The following RARG variants were observed in gnomAD, a reference collection of about 807,000 sequenced individuals.
RARG encodes retinoic acid receptor gamma.
RARG carries 17 observed loss-of-function variants against 43.7 expected under a neutral mutation model. The observed-to-expected ratio is 0.39, with a 90% CI of 0.27 to 0.58. The LOEUF is 0.58. RARG is among the 20% of genes least tolerant of loss of function. The pLI, the probability that RARG is intolerant of heterozygous loss-of-function variation, is 0.57. For missense variants in RARG, 346 were observed against 598.7 expected (o/e 0.58, Z 4.40); for synonymous variants, 238 against 236.4 (o/e 1.01, Z -0.06).
chr12:53,220,969 T>C (rs1367743349), intron 3 of RARG, among the ~76,000 whole-genome samples: 1 of 151,314 alleles, frequency 6.6e-6, no homozygotes. Flanking sequence ...GAAAAGTGCA[T>C]TCCTGCGGCT....
intron 3 of RARG, among the ~76,000 whole-genome samples, chr12:53,226,522 A>C (rs556208270): frequency 1.3e-5 from 2 of 151,620 alleles, no homozygotes; most frequent in East Asian, 3.9e-4. Flanking sequence ...ACGGGGTTTC[A>C]CTATGTTGGT....
rs369873803 is a variant in RARG, at chr12:53,227,517, G to A, written c.29C>T (p.Ala10Val). The part of the protein sequence containing the change: MATNKERLF[A>V]AGALGPGSGY... Reference sequence around the variant, plus strand: ...AGATCCAGGCCCCAGGGCACCAGCCGCAAAGAGTCGCTCCTTATTGGTGGC... The same window carrying A: ...AGATCCAGGCCCCAGGGCACCAGCCACAAAGAGTCGCTCCTTATTGGTGGC... Residue 10 changes from alanine (A) to valine (V), a missense_variant, in exon 3 of 10, where the codon GCG becomes GTG. Ala to Val is a moderately conservative substitution (Grantham distance 64, BLOSUM62 0). Around this residue, in one of 8 missense-constraint regions of RARG, gnomAD observed 90 missense variants for 93.2 expected, o/e 0.97. Transcript: ENST00000425354. The surrounding 1 kb of genome is among the most constrained non-coding windows in gnomAD (Gnocchi z 4.3). The A allele has an allele frequency of 1.6e-5, 25 of 1,597,328 alleles. No individual in the cohort carries two copies. Among genetic ancestry groups the A allele is most frequent in the Admixed American group, 1.0e-4 (6 of 57,222 alleles).
In RARG at chr12:53,232,084, G is replaced by A. The variant is rs1013011038; in HGVS notation, c.-320C>T. ...GGCTCGCCGTACTGGGGGGCTCCTG[G>A]GGGGGCACGGCTCTAGGCTGGGACT... On this transcript the variant is annotated 5_prime_UTR_variant, in exon 1 of 10. Transcript: ENST00000425354. The A allele has an allele frequency of 5.0e-6, 2 of 398,504 alleles. No individual in the cohort carries two copies. Among genetic ancestry groups the A allele is most frequent in the African/African-American group, 2.1e-5 (1 of 48,640 alleles). The allele number at this position is 398,504 out of a possible 1,614,324, so 24.7% of individuals were successfully genotyped here. A position where few individuals can be genotyped will look rare whatever the true frequency, so the allele number is the denominator to read the frequency against.
Position 53,213,583 on chromosome 12 carries a change from C to CA in RARG, c.930dup (p.Val311CysfsTer15). 6.2e-7 allele frequency: 1 copy of CA among 1,614,182 alleles called. No individual in the cohort carries two copies. Among genetic ancestry groups the CA allele is most frequent in the Non-Finnish European group, 8.5e-7 (1 of 1,180,024 alleles). On this transcript the variant is annotated frameshift_variant, in exon 8 of 10. Transcript: ENST00000425354. LOFTEE classifies it high-confidence loss of function. This position sits in a 1 kb window ranked among gnomAD's most constrained non-coding sequence, Gnocchi z 4.7. ...AGGAGCTGCCCAGCAAAGGCAAAGA[C>CA]AAGGTCTGTGAGGGGCCCGAAGCCG...
intron 5 of RARG, chr12:53,214,895 G>A (rs1942717220): frequency 2.3e-6 from 1 of 434,672 alleles, no homozygotes. Context: ...GGATATGCAG[G>A]CGGCAGGATA....
At chr12:53,214,649 C>T (rs757120914) in intron 5 of RARG, 43 bp from the exon 6 acceptor site, 1 of 1,557,488 alleles carries the variant, frequency 6.4e-7, no homozygotes, top group Admixed American at 1.8e-5. Context: ...ACCCTCAGAG[C>T]CTCCCTTTGG....
At chr12:53,216,821 A>AGTGTGTGT (rs35354918) in intron 3 of RARG, among the ~76,000 whole-genome samples, 164 of 144,220 alleles carry the variant, frequency 1.1e-3, no homozygotes, top group African/African-American at 4.0e-3. Flanking sequence ...CTGCTGGGTA[A>AGTGTGTGT]GTGTGTGTGT....
intron 3 of RARG, among the ~76,000 whole-genome samples, chr12:53,218,112 G>A (rs899475257): frequency 3.3e-5 from 5 of 152,046 alleles, no homozygotes; most frequent in African/African-American, 1.2e-4. Flanking sequence ...GCCAGCACTT[G>A]GCCACACAAG....
intron 3 of RARG, among the ~76,000 whole-genome samples, chr12:53,221,699 C>T (rs1942967740): frequency 6.6e-6 from 1 of 151,402 alleles, no homozygotes; most frequent in South Asian, 2.1e-4. Flanking sequence ...TGGCCCCGGA[C>T]AGCGCCAGCA....
At chr12:53,224,118 C>T (rs998980822) in intron 3 of RARG, among the ~76,000 whole-genome samples, 2 of 152,126 alleles carry the variant, frequency 1.3e-5, no homozygotes, top group Admixed American at 6.5e-5. Flanking sequence ...CACACACGCA[C>T]GCACACACAC....
At chr12:53,223,432 T>C (rs1943027850) in intron 3 of RARG, among the ~76,000 whole-genome samples, 1 of 118,812 alleles carries the variant, frequency 8.4e-6, no homozygotes, top group South Asian at 2.7e-4. Context: ...GTGAGGCGCG[T>C]TGGGCAGGAT....
intron 6 of RARG, 79 bp from the exon 7 acceptor site, chr12:53,214,314 C>T: frequency 1.3e-6 from 2 of 1,541,760 alleles, no homozygotes; most frequent in Middle Eastern, 4.4e-4. Context: ...ACCAATATCC[C>T]AAGCTCTCTC....
chr12:53,215,369 G>A lies in RARG; in HGVS notation c.399C>T (p.Ile133=), dbSNP rs1942731230. ...VYTCHRDKNC[I]INKVTRNRCQ... ...AGCGATTCCTGGTCACCTTGTTGAT[G>A]ATACAGTTTTTGTCGCGGTGACACG... Residue 133 remains isoleucine, a synonymous_variant, in exon 5 of 10, where the codon ATC becomes ATT. Coordinates refer to ENST00000425354, the MANE Select transcript of RARG (RefSeq NM_000966.6). The surrounding 1 kb of genome is among the most constrained non-coding windows in gnomAD (Gnocchi z 6.4). 1.2e-6 allele frequency: 2 copies of A among 1,614,126 alleles called. No individual in the cohort carries two copies. The highest frequency in any genetic ancestry group is 1.7e-6 in the Non-Finnish European group (2 of 1,180,006).
At chr12:53,223,284 C>T (rs1319751515) in intron 3 of RARG, among the ~76,000 whole-genome samples, 1 of 152,226 alleles carries the variant, frequency 6.6e-6, no homozygotes, top group African/African-American at 2.4e-5. Flanking sequence ...CAAAGTAAAG[C>T]AGGCCCTGCC....
At position 53,214,553 on chromosome 12, in the gene RARG, G is replaced by A. The variant is rs1012665089; in HGVS notation, c.529C>T (p.Pro177Ser). The A allele has an allele frequency of 1.2e-6, 2 of 1,612,232 alleles. No individual in the cohort carries two copies. The highest frequency in any genetic ancestry group is 1.7e-5 in the Admixed American group (1 of 59,984). Residue 177 changes from proline (P) to serine (S), a missense_variant, in exon 6 of 10, where the codon CCT becomes TCT. By Grantham distance (74) the Pro-to-Ser change is moderately conservative. This residue lies in a region of RARG where 67 missense variants were observed against 79.6 expected (regional missense o/e 0.84). Transcript: ENST00000425354. Reference sequence around the variant, plus strand: ...TGAGGGCTCAGCTCATAGCTGTCAGGTGACCCTTCTTCCTTCACCTCTTTC... The same window carrying A: ...TGAGGGCTCAGCTCATAGCTGTCAGATGACCCTTCTTCCTTCACCTCTTTC... The part of the protein sequence containing the change: ...KKKEVKEEGS[P>S]DSYELSPQLE...
chr12:53,215,150 A>G lies in RARG; in HGVS notation c.475+143T>C, dbSNP rs534557322. 3.8e-6 allele frequency: 4 copies of G among 1,039,770 alleles called. No individual in the cohort carries two copies. Among genetic ancestry groups the G allele is most frequent in the East Asian group, 5.1e-5 (2 of 38,976 alleles). The allele number at this position is 1,039,770 out of a possible 1,614,324, so 64.4% of individuals were successfully genotyped here. ...CTCCTGGTTGAATGGAGCTAATCAA[A>G]TAAGACTGGCCTGGGAGAAGGCAGC... On this transcript the variant is annotated intron_variant, in intron 5 of 9. Transcript: ENST00000425354. The surrounding 1 kb of genome is among the most constrained non-coding windows in gnomAD (Gnocchi z 6.4).
chr12:53,230,879 G>GTGTGTGTA (rs1555182759), intron 2 of RARG, among the ~76,000 whole-genome samples: 1 of 139,684 alleles, frequency 7.2e-6, no homozygotes, highest in African/African-American at 2.8e-5. Flanking sequence ...GTGTGTGTGT[G>GTGTGTGTA]TGTATGTCTG....
intron 3 of RARG, among the ~76,000 whole-genome samples, chr12:53,216,841 T>TGTGTGTGCGC (rs1430491578): frequency 7.7e-6 from 1 of 129,384 alleles, no homozygotes; most frequent in African/African-American, 3.4e-5. Context: ...TGTGTGTGTG[T>TGTGTGTGCGC]GCGCGCGCGC....
chr12:53,216,841 T>TGTGCGC (rs1430491578), intron 3 of RARG, among the ~76,000 whole-genome samples: 17 of 129,380 alleles, frequency 1.3e-4, no homozygotes, highest in Admixed American at 4.4e-4. Flanking sequence ...TGTGTGTGTG[T>TGTGCGC]GCGCGCGCGC....
Sources: gnomAD v4.1 joint callset for allele counts (sites outside exome capture counted in the v4.1 genomes callset) on GRCh38, gnomAD v4.1.1 for gene constraint, gnomAD v4.1.1 regional missense constraint, Gnocchi (gnomAD v3.1) non-coding constraint, MANE v1.5 for transcripts, NCBI Gene and HGNC (gene_info 2026-07-23, HGNC 2026-07-21) for gene names.